KLHL29: variants seen among roughly 807,000 people sequenced by gnomAD.
KLHL29 encodes the protein kelch like family member 29, also known as kelch-like protein 29.
A neutral mutation model predicts 80.4 loss-of-function variants in KLHL29; 21 were observed. The ratio of observed to expected loss-of-function variants is 0.26; its 90% CI spans 0.19 to 0.38. The LOEUF (loss-of-function observed/expected upper bound fraction) is 0.38, where lower values mean the gene tolerates loss of function less well. Ranked by LOEUF, KLHL29 falls within the 10% of genes least tolerant of loss-of-function variation. The pLI is 1.00. For missense variants in KLHL29, 867 were observed against 1,223.9 expected (o/e 0.71, Z 4.35); for synonymous variants, 511 against 526.8 (o/e 0.97, Z 0.41).
intron 1 of KLHL29, among the ~76,000 whole-genome samples, chr2:23,407,327 T>TA (rs892333429): frequency 2.6e-5 from 4 of 152,156 alleles, no homozygotes; most frequent in Non-Finnish European, 5.9e-5. Context: ...AATTTTTTTT[T>TA]AATCTTAGTC....
intron 5 of KLHL29, among the ~76,000 whole-genome samples, chr2:23,675,710 G>A (rs1266318070): frequency 6.6e-6 from 1 of 152,180 alleles, no homozygotes; most frequent in Admixed American, 6.5e-5. Flanking sequence ...CCCCAAGGAG[G>A]ACCTAAATAA....
At chr2:23,453,050 G>A (rs772156267) in intron 1 of KLHL29, among the ~76,000 whole-genome samples, 1 of 151,518 alleles carries the variant, frequency 6.6e-6, no homozygotes, top group African/African-American at 2.4e-5. Context: ...CTGAGAGACC[G>A]TAAACTTCTA....
intron 1 of KLHL29, among the ~76,000 whole-genome samples, chr2:23,432,064 C>T (rs1020223475): frequency 3.9e-5 from 6 of 152,150 alleles, no homozygotes; most frequent in African/African-American, 7.2e-5. Flanking sequence ...CACCATTTCT[C>T]GAAGTTTCCT....
chr2:23,622,374 A>G (rs1025191377), intron 3 of KLHL29, among the ~76,000 whole-genome samples: 1 of 152,042 alleles, frequency 6.6e-6, no homozygotes, highest in Non-Finnish European at 1.5e-5. Context: ...GGCCACCACC[A>G]TCCCGCTCAC....
At chr2:23,449,847 T>A (rs11885576) in intron 1 of KLHL29, among the ~76,000 whole-genome samples, 1 of 152,042 alleles carries the variant, frequency 6.6e-6, no homozygotes, top group African/African-American at 2.4e-5. Context: ...CCAAGCCCTC[T>A]GGAACCCTGC....
chr2:23,619,159 G>GC (rs1355406444), intron 3 of KLHL29, among the ~76,000 whole-genome samples: 2 of 152,198 alleles, frequency 1.3e-5, no homozygotes, highest in African/African-American at 4.8e-5. Context: ...TCCACTCCTT[G>GC]CTCACCCCCT....
intron 2 of KLHL29, among the ~76,000 whole-genome samples, chr2:23,527,093 A>C (rs1269793678): frequency 6.6e-6 from 1 of 152,114 alleles, no homozygotes; most frequent in African/African-American, 2.4e-5. Flanking sequence ...AACCAGGAGA[A>C]CTGGGCGACG....
chr2:23,637,429 A>C (rs1045837832), intron 3 of KLHL29, among the ~76,000 whole-genome samples: 2 of 152,148 alleles, frequency 1.3e-5, no homozygotes, highest in African/African-American at 4.8e-5. Flanking sequence ...CACAGATAGA[A>C]ATGGGGCAGG....
intron 2 of KLHL29, among the ~76,000 whole-genome samples, chr2:23,482,921 G>A (rs374451065): frequency 1.7e-4 from 26 of 152,216 alleles, no homozygotes; most frequent in African/African-American, 6.0e-4. Flanking sequence ...CTGGGATCCA[G>A]AGAGGTCAGA....
At chr2:23,607,610 A>C (rs1178886159) in intron 3 of KLHL29, among the ~76,000 whole-genome samples, 2 of 152,224 alleles carry the variant, frequency 1.3e-5, no homozygotes, top group African/African-American at 2.4e-5. Context: ...CTGTTAGGAA[A>C]CAGGTGCACA....
chr2:23,582,846 T>C (rs1668021652), intron 3 of KLHL29, among the ~76,000 whole-genome samples: 3 of 152,142 alleles, frequency 2.0e-5, no homozygotes, highest in African/African-American at 4.8e-5. Flanking sequence ...CAGCCAAATA[T>C]ATGTCCACCC....
At chr2:23,468,878 T>TA (rs1664421522) in intron 1 of KLHL29, among the ~76,000 whole-genome samples, 1 of 152,208 alleles carries the variant, frequency 6.6e-6, no homozygotes. Flanking sequence ...GGGCTCTGCT[T>TA]ACGGCGTCCA....
chr2:23,681,521 T>C lies in KLHL29; in HGVS notation c.941-2878T>C, dbSNP rs2149187960. Among the ~76,000 whole-genome samples the C allele has an allele frequency of 6.6e-6, 1 of 152,290 alleles. No individual in the cohort carries two copies. The highest frequency in any genetic ancestry group is 1.5e-5 in the Non-Finnish European group (1 of 68,012). ...CGGGCCCAGAAAGAGTAGGCATTTGTGTGCTGTTGTGTTTTCCAGGCCCCT... is the reference window on the plus strand; with the variant it reads ...CGGGCCCAGAAAGAGTAGGCATTTGCGTGCTGTTGTGTTTTCCAGGCCCCT... On this transcript the variant is annotated intron_variant, in intron 5 of 13. Coordinates refer to ENST00000486442, the MANE Select transcript of KLHL29 (RefSeq NM_052920.2). The surrounding 1 kb of genome is among the most constrained non-coding windows in gnomAD (Gnocchi z 4.2).
chr2:23,642,910 A>T (rs1480540083), intron 5 of KLHL29, 60 bp downstream of exon 5: 8 of 1,532,866 alleles, frequency 5.2e-6, no homozygotes, highest in Non-Finnish European at 6.2e-6. Flanking sequence ...CTGCGCGGTC[A>T]CTGCAACACC....
intron 3 of KLHL29, among the ~76,000 whole-genome samples, chr2:23,622,801 GT>G (rs1332893633): frequency 6.6e-6 from 1 of 152,252 alleles, no homozygotes; most frequent in East Asian, 1.9e-4. Context: ...TCCAGGCATG[GT>G]TCTAAGTCCT....
At chr2:23,488,015 TG>T (rs1261375330) in intron 2 of KLHL29, among the ~76,000 whole-genome samples, 5 of 152,148 alleles carry the variant, frequency 3.3e-5, no homozygotes, top group Non-Finnish European at 7.3e-5. Context: ...GCCAGTGATG[TG>T]GTCAGGACTG....
intron 13 of KLHL29, among the ~76,000 whole-genome samples, chr2:23,705,966 G>C (rs555726368): frequency 6.6e-6 from 1 of 152,348 alleles, no homozygotes; most frequent in East Asian, 1.9e-4. Context: ...TGCAGAGCAT[G>C]CCCGGCCCTT....
chr2:23,461,975 C>CTTTTTTTTTTTTTTT (rs1164075132), intron 1 of KLHL29, among the ~76,000 whole-genome samples: 3 of 79,542 alleles, frequency 3.8e-5, no homozygotes, highest in African/African-American at 8.7e-5. Context: ...CGGTTTTTGC[C>CTTTTTTTTTTTTTTT]ATTTTTTTTT....
chr2:23,601,803 G>T (rs1027603029), intron 3 of KLHL29, among the ~76,000 whole-genome samples: 2 of 152,162 alleles, frequency 1.3e-5, no homozygotes, highest in African/African-American at 2.4e-5. Context: ...GGAGACCCAG[G>T]GGTTTCCATC....
Sources: gnomAD v4.1 joint callset for allele counts (sites outside exome capture counted in the v4.1 genomes callset) on GRCh38, gnomAD v4.1.1 for gene constraint, Gnocchi (gnomAD v3.1) non-coding constraint, MANE v1.5 for transcripts, NCBI Gene and HGNC (gene_info 2026-07-23, HGNC 2026-07-21) for gene names.